Variants in ATP8A2 observed in about 807,000 individuals in gnomAD.
ATP8A2 encodes phospholipid-transporting ATPase IB.
Under a neutral mutation model 165.6 loss-of-function variants are expected in ATP8A2, and 100 were observed. The ratio of observed to expected loss-of-function variants is 0.60; its 90% CI spans 0.51 to 0.71. The LOEUF (loss-of-function observed/expected upper bound fraction) is 0.71, where lower values mean the gene tolerates loss of function less well. Among genes scored for constraint, ATP8A2 ranks in the 30% least tolerant of loss-of-function variants. ATP8A2 has a pLI of 0.00. For synonymous variants in ATP8A2, 543 were observed against 548.8 expected (o/e 0.99, Z 0.15); for missense variants, 1,227 against 1,479.5 (o/e 0.83, Z 2.80).
chr13:25,427,306 T>C lies in ATP8A2; in HGVS notation c.77-41671T>C, dbSNP rs187984405. ...TCTAATGCCTGATGATCTGTCACTG[T>C]CTCCCATCACCCCCAGATGGGACCA... On this transcript the variant is annotated intron_variant, in intron 1 of 36. Transcript: ENST00000381655. Among the ~76,000 whole-genome samples the C allele has an allele frequency of 2.3e-4, 35 of 151,024 alleles. No individual in the cohort carries two copies. In the East Asian group the frequency reaches 4.1e-3, roughly 18 times the overall value.
chr13:25,578,460 T>C (rs921423395), intron 20 of ATP8A2, among the ~76,000 whole-genome samples: 4 of 152,210 alleles, frequency 2.6e-5, no homozygotes, highest in Non-Finnish European at 5.9e-5. Context: ...ATTTGGGATG[T>C]GCATTTTACC....
At chr13:25,733,864 G>GT (rs5802346) in intron 25 of ATP8A2, among the ~76,000 whole-genome samples, 152,343 of 152,344 alleles carry the variant, frequency 1, 76,171 homozygotes, top group Middle Eastern at 1. Context: ...ACCACAAATA[G>GT]GTTTAACACC....
intron 13 of ATP8A2, among the ~76,000 whole-genome samples, chr13:25,557,300 G>A (rs2039009335): frequency 6.6e-6 from 1 of 152,124 alleles, no homozygotes; most frequent in African/African-American, 2.4e-5. Context: ...GGTCACAAAG[G>A]GCTGAATACA....
intron 1 of ATP8A2, among the ~76,000 whole-genome samples, chr13:25,400,629 C>T (rs561765630): frequency 9.2e-5 from 14 of 152,300 alleles, no homozygotes; most frequent in African/African-American, 2.9e-4. Context: ...CCGATGACTC[C>T]GGATTATTCT....
chr13:25,400,134 G>C lies in ATP8A2; in HGVS notation c.76+27846G>C, dbSNP rs75256799. Among the ~76,000 whole-genome samples the C allele has an allele frequency of 3.8e-3, 574 of 152,070 alleles. 16 individuals carry two copies. The East Asian group carries it at 0.085, about 23-fold the overall frequency. On this transcript the variant is annotated intron_variant, in intron 1 of 36. Transcript: ENST00000381655. ...GATAGGGTCTTCCTATGTTGCCCAGGATAGTGTGTGAACTCCTGGGCTCAA... is the reference window on the plus strand; with the variant it reads ...GATAGGGTCTTCCTATGTTGCCCAGCATAGTGTGTGAACTCCTGGGCTCAA...
At chr13:25,655,966 C>T (rs2041918644) in intron 24 of ATP8A2, among the ~76,000 whole-genome samples, 2 of 152,136 alleles carry the variant, frequency 1.3e-5, no homozygotes, top group African/African-American at 4.8e-5. Flanking sequence ...TAAACAAGCT[C>T]GTCTTTCCAA....
intron 1 of ATP8A2, among the ~76,000 whole-genome samples, chr13:25,418,131 C>T (rs2034187579): frequency 1.3e-5 from 2 of 152,168 alleles, no homozygotes; most frequent in African/African-American, 4.8e-5. Context: ...CTCCCATTAG[C>T]AATTAGGGAA....
At position 25,860,877 on chromosome 13, in the gene ATP8A2, A is replaced by T; in HGVS notation, c.3075+17A>T. 1 of 1,552,322 alleles carries T rather than the reference A, an allele frequency of 6.4e-7. No individual in the cohort carries two copies. Among genetic ancestry groups the T allele is most frequent in the Non-Finnish European group, 8.8e-7 (1 of 1,133,780 alleles). ...TGGACTAAAGTAAGTTTTCTCTAGA[A>T]TTGTTTCTCTGTTCAGTATAGATAT... On this transcript the variant is annotated intron_variant, in intron 32 of 36. Coordinates refer to ENST00000381655, the MANE Select transcript of ATP8A2 (RefSeq NM_016529.6).
At position 26,020,530 on chromosome 13, in the gene ATP8A2, C is replaced by A. The variant is rs1048788; in HGVS notation, c.*545C>A. ...GATTGCAGTGAAATCACAAAATTCT[C>A]TATCGGGGTGGTCAACCTGAGAACA... On this transcript the variant is annotated 3_prime_UTR_variant, in exon 37 of 37. Transcript: ENST00000381655. 31,984 of 152,920 alleles carry A rather than the reference C, an allele frequency of 0.21. 4,112 individuals carry two copies. Among genetic ancestry groups the A allele is most frequent in the East Asian group, 0.5 (2,604 of 5,176 alleles). 9.5% of individuals were successfully genotyped at this position (152,920 alleles called of 1,614,324 possible). A position where few individuals can be genotyped will look rare whatever the true frequency, so the allele number is the denominator to read the frequency against.
chr13:26,005,888 C>T (rs962525628), intron 35 of ATP8A2, among the ~76,000 whole-genome samples: 4 of 151,962 alleles, frequency 2.6e-5, no homozygotes, highest in African/African-American at 9.7e-5. Flanking sequence ...ATGTCAGTAC[C>T]ATGCTATTTT....
intron 35 of ATP8A2, among the ~76,000 whole-genome samples, chr13:26,008,067 A>C (rs934529267): frequency 2.0e-5 from 3 of 152,194 alleles, no homozygotes; most frequent in African/African-American, 7.2e-5. Context: ...CTACATGCTA[A>C]TATATTAATA....
chr13:25,645,282 A>G (rs74911307), intron 24 of ATP8A2, among the ~76,000 whole-genome samples: 5,255 of 152,280 alleles, frequency 0.035, 156 homozygotes, highest in East Asian at 0.13. Context: ...ACTATTCAGT[A>G]TCACCAGAAT....
At chr13:25,649,500 T>C (rs183793489) in intron 24 of ATP8A2, among the ~76,000 whole-genome samples, 76 of 152,306 alleles carry the variant, frequency 5.0e-4, no homozygotes, top group Admixed American at 4.6e-3. Flanking sequence ...GGTTGAAGTT[T>C]TCCTTCCTGC....
At chr13:25,447,275 T>A (rs1319585937) in intron 1 of ATP8A2, among the ~76,000 whole-genome samples, 1 of 152,200 alleles carries the variant, frequency 6.6e-6, no homozygotes, top group Non-Finnish European at 1.5e-5. Flanking sequence ...CTTTTTTTAA[T>A]CGGTACATAA....
At chr13:25,391,675 A>G (rs939082770) in intron 1 of ATP8A2, among the ~76,000 whole-genome samples, 2 of 152,212 alleles carry the variant, frequency 1.3e-5, no homozygotes, top group African/African-American at 4.8e-5. Flanking sequence ...AAAAATAGCT[A>G]AAGCTGCAGC....
intron 24 of ATP8A2, among the ~76,000 whole-genome samples, chr13:25,624,620 A>T (rs1392580525): frequency 6.6e-6 from 1 of 152,176 alleles, no homozygotes; most frequent in Non-Finnish European, 1.5e-5. Context: ...TATTTCCTCA[A>T]ATTATATGTT....
chr13:25,714,792 C>T (rs9578916), intron 25 of ATP8A2, among the ~76,000 whole-genome samples: 1 of 152,084 alleles, frequency 6.6e-6, no homozygotes, highest in South Asian at 2.1e-4. Flanking sequence ...GGTTATTTGT[C>T]CAATGCAGGG....
chr13:25,528,864 A>G (rs4310713), intron 2 of ATP8A2, among the ~76,000 whole-genome samples: 7,677 of 142,222 alleles, frequency 0.054, 407 homozygotes, highest in South Asian at 0.12. Flanking sequence ...CAACATGTGT[A>G]TGCATACATA....
chr13:25,682,582 G>A (rs1007768777), intron 24 of ATP8A2, among the ~76,000 whole-genome samples: 10 of 152,130 alleles, frequency 6.6e-5, no homozygotes, highest in African/African-American at 2.2e-4. Flanking sequence ...TTCTCTGCTC[G>A]CTTTCTCCAG....
Sources: allele counts gnomAD v4.1 joint callset (sites outside exome capture counted in the v4.1 genomes callset), GRCh38; gene constraint gnomAD v4.1.1; transcripts MANE v1.5; gene names NCBI Gene and HGNC (gene_info 2026-07-23, HGNC 2026-07-21).